CASS4: variants seen among roughly 807,000 people sequenced by gnomAD.
The protein encoded by CASS4 is Cas scaffold protein family member 4, also known as cas scaffolding protein family member 4.
In CASS4, 22 loss-of-function variants were observed where a neutral mutation model predicts 54.2. The observed-to-expected ratio is 0.41, with a 90% CI of 0.29 to 0.58. The LOEUF (loss-of-function observed/expected upper bound fraction) is 0.58. Among genes scored for constraint, CASS4 ranks in the 20% least tolerant of loss-of-function variants. CASS4 has a pLI of 0.36. For missense variants in CASS4, 854 were observed against 986.7 expected (o/e 0.87, Z 1.80); for synonymous variants, 409 against 391.5 (o/e 1.04, Z -0.53).
At chr20:56,440,441 G>T (rs1980401734) in intron 2 of CASS4, among the ~76,000 whole-genome samples, 1 of 152,172 alleles carries the variant, frequency 6.6e-6, no homozygotes. Context: ...TCCTCTGTTG[G>T]TTGACCAGAG....
intron 1 of CASS4, among the ~76,000 whole-genome samples, chr20:56,415,862 TA>T (rs1474020571): frequency 6.6e-6 from 1 of 152,276 alleles, no homozygotes; most frequent in Non-Finnish European, 1.5e-5. Context: ...AGATTTTGTG[TA>T]ATATCCAGAC....
rs781114746 is a variant in CASS4 at position 56,437,627 on chromosome 20, T to C, written c.459+41T>C. ...CCTACTAGACATGGGTTGAGGGGTATGGAAACACCCAGAGGCCTAACTACC... is the reference window on the plus strand; with the variant it reads ...CCTACTAGACATGGGTTGAGGGGTACGGAAACACCCAGAGGCCTAACTACC... On this transcript the variant is annotated intron_variant, in intron 2 of 5. Transcript: ENST00000679887. This position sits in a 1 kb window ranked among gnomAD's most constrained non-coding sequence, Gnocchi z 4.7. 1 of 1,489,960 alleles carries C rather than the reference T, an allele frequency of 6.7e-7. No homozygotes were observed. The highest frequency in any genetic ancestry group is 1.4e-5 in the South Asian group (1 of 73,312). The allele number at this position is 1,489,960 out of a possible 1,614,324, so 92.3% of individuals were successfully genotyped here. A position where few individuals can be genotyped will look rare whatever the true frequency, so the allele number is the denominator to read the frequency against.
chr20:56,458,800 A>G lies in CASS4; in HGVS notation c.*53A>G, dbSNP rs4811697. On this transcript the variant is annotated 3_prime_UTR_variant, in exon 6 of 6. Transcript: ENST00000679887. ...CTCACCTCTCAGCTTCACACCCACA[A>G]CTTGTGCAACTCTGCCCTATGGGAA... The G allele has an allele frequency of 8.5e-5, 126 of 1,482,900 alleles. No individual in the cohort carries two copies. The African/African-American group carries it at 1.5e-3, about 17-fold the overall frequency. 91.9% of individuals were successfully genotyped at this position (1,482,900 alleles called of 1,614,324 possible).
At chr20:56,412,102 C>A, upstream of CASS4, 1 of 323,656 alleles carries the variant, frequency 3.1e-6, no homozygotes, top group Non-Finnish European at 5.9e-6. The surrounding 1 kb of genome is among the most constrained non-coding windows in gnomAD (Gnocchi z 4.2). Flanking sequence ...GAACTTCGCC[C>A]TATAAAGCAG....
intron 1 of CASS4, among the ~76,000 whole-genome samples, chr20:56,417,027 A>G (rs1288844789): frequency 6.6e-6 from 1 of 152,364 alleles, no homozygotes; most frequent in African/African-American, 2.4e-5. Context: ...CAAGGTAAAA[A>G]TGTAGAATTT....
chr20:56,451,961 G>A lies in CASS4; in HGVS notation c.785G>A (p.Ser262Asn), dbSNP rs1244107208. The change falls in exon 5 of 6, where the codon AGC (serine) becomes AAC (asparagine). Residue 262 changes from serine to asparagine, a missense_variant. Physicochemically the swap from Ser to Asn is conservative, Grantham distance 46 (BLOSUM62 1). Coordinates refer to ENST00000679887, the MANE Select transcript of CASS4 (RefSeq NM_020356.4). ...KASVRNTPLTSFAEESRPHAL... is the reference protein window; with the variant it reads ...KASVRNTPLTNFAEESRPHAL... ...AGCGTCAGAAACACGCCTCTCACCA[G>A]CTTTGCGGAAGAATCAAGGCCCCAC... The A allele has an allele frequency of 6.2e-7, 1 of 1,614,180 alleles. No individual in the cohort carries two copies. The highest frequency in any genetic ancestry group is 2.2e-5 in the East Asian group (1 of 44,888).
Position 56,458,747 on chromosome 20 carries a change from A to G in CASS4, c.2361A>G (p.Ter787TrpextTer50), listed in dbSNP as rs1359241049. The G allele has an allele frequency of 6.3e-7, 1 of 1,594,402 alleles. No individual in the cohort carries two copies. The highest frequency in any genetic ancestry group is 1.7e-5 in the Admixed American group (1 of 58,876). The change falls in exon 6 of 6, where the codon TGA becomes TGG. Residue 787 changes from the stop codon to tryptophan, a stop_lost. Coordinates refer to ENST00000679887, the MANE Select transcript of CASS4 (RefSeq NM_020356.4). ...GGCAGTTCAGAGGGACACTGGGATGAGGACTGTCTACCTCCCTTCCTCCTC... is the reference window on the plus strand; with the variant it reads ...GGCAGTTCAGAGGGACACTGGGATGGGGACTGTCTACCTCCCTTCCTCCTC... Reference protein sequence around the residue: ...HTRQFRGTLG* With the variant: ...HTRQFRGTLGW
intron 1 of CASS4, among the ~76,000 whole-genome samples, chr20:56,421,696 TAGAAA>T (rs1335474152): frequency 2.6e-5 from 4 of 152,182 alleles, no homozygotes; most frequent in East Asian, 3.9e-4. Context: ...ACCCTGTCTC[TAGAAA>T]AGAAAAGAGA....
At chr20:56,446,102 G>A in intron 3 of CASS4, 101 bp downstream of exon 3, 3 of 748,934 alleles carry the variant, frequency 4.0e-6, no homozygotes, top group Non-Finnish European at 6.5e-6. Context: ...TACCATGGCG[G>A]CCAGGGGCTC....
chr20:56,432,801 T>A (rs1415081524), intron 1 of CASS4, among the ~76,000 whole-genome samples: 4 of 152,206 alleles, frequency 2.6e-5, no homozygotes, highest in Non-Finnish European at 5.9e-5. Flanking sequence ...ATTCAAGGGA[T>A]AATGATTCCG....
Position 56,430,068 on chromosome 20 carries a change from A to G in CASS4, c.37-7096A>G, listed in dbSNP as rs144766268. 7.9e-5 allele frequency among the ~76,000 whole-genome samples: 12 copies of G among 152,342 alleles called. No individual in the cohort carries two copies. Among genetic ancestry groups the G allele is most frequent in the Non-Finnish European group, 1.6e-4 (11 of 68,038 alleles). On this transcript the variant is annotated intron_variant, in intron 1 of 5. Coordinates refer to ENST00000679887, the MANE Select transcript of CASS4 (RefSeq NM_020356.4). The surrounding 1 kb of genome is among the most constrained non-coding windows in gnomAD (Gnocchi z 4.2). ...ATGCCTCCAGCAGAGCCCCTGGAAT[A>G]CACGTGATGCTCAATACAATCTTGG...
At chr20:56,451,211 G>C (rs1466883226) in intron 4 of CASS4, among the ~76,000 whole-genome samples, 3 of 152,096 alleles carry the variant, frequency 2.0e-5, no homozygotes, top group Admixed American at 6.5e-5. Flanking sequence ...GGAGTATTAA[G>C]TGAGATAATC....
At chr20:56,451,269 T>C (rs1396715544) in intron 4 of CASS4, among the ~76,000 whole-genome samples, 23 of 152,172 alleles carry the variant, frequency 1.5e-4, no homozygotes, top group Non-Finnish European at 1.5e-5. Flanking sequence ...AATTATGTAA[T>C]GGCTTCTTCT....
At chr20:56,421,582 G>A (rs1438886184) in intron 1 of CASS4, among the ~76,000 whole-genome samples, 1 of 152,162 alleles carries the variant, frequency 6.6e-6, no homozygotes, top group Admixed American at 6.5e-5. Flanking sequence ...TGTAGTCCTA[G>A]CTACTTGAAA....
At chr20:56,413,766 T>TCTTAG (rs1979004196) in intron 1 of CASS4, among the ~76,000 whole-genome samples, 1 of 151,174 alleles carries the variant, frequency 6.6e-6, no homozygotes, top group African/African-American at 2.4e-5. Context: ...TATGTAAATA[T>TCTTAG]CTTAGCTACC....
At position 56,458,350 on chromosome 20, in the gene CASS4, CT is replaced by C. The variant is rs1981401144; in HGVS notation, c.1965del (p.Ile657TyrfsTer91). On this transcript the variant is annotated frameshift_variant, in exon 6 of 6. Transcript: ENST00000679887. LOFTEE classifies it low-confidence loss of function (END_TRUNC). ...RANICGQNPG[P>X]LIPQPSSQQT... ...CCTTCCCTTCTTTAGAATCCTGGCC[CT>C]CTTATACCTCAGCCTTCGAGTCAAC... 3 of 1,609,874 alleles carry C rather than the reference CT, an allele frequency of 1.9e-6. No individual in the cohort carries two copies. In the East Asian group the frequency reaches 6.7e-5, roughly 36 times the overall value.
In CASS4 at chr20:56,458,604, C is replaced by T. The variant is rs150016338; in HGVS notation, c.2218C>T (p.Leu740Phe). ...CGAGATCCTCCGTGGCAGCAGTCAC[C>T]TCTGCAGCCTGCTCAAGGACGTAGC... ...RNEILRGSSH[L>F]CSLLKDVALA... is the part of the protein sequence containing the mutation. Residue 740 changes from leucine (L) to phenylalanine (F), a missense_variant, in exon 6 of 6, where the codon CTC becomes TTC. Leu to Phe is a conservative substitution (Grantham distance 22, BLOSUM62 0). Transcript: ENST00000679887. The T allele has an allele frequency of 1.1e-3, 1,775 of 1,614,060 alleles. 2 individuals carry two copies. Among genetic ancestry groups the T allele is most frequent in the Non-Finnish European group, 1.1e-3 (1,310 of 1,179,984 alleles).
In CASS4 at chr20:56,452,791, A is replaced by G; in HGVS notation, c.1615A>G (p.Asn539Asp). ...ILLETKESLD[N>D]RNWPLEVLVT... ...GCTTGAAACAAAGGAAAGCTTGGAT[A>G]ATCGCAATTGGCCTCTGGAAGTTCT... Residue 539 changes from asparagine to aspartate, a missense_variant, in exon 5 of 6, where the codon AAT becomes GAT. Asn to Asp is a conservative substitution (Grantham distance 23). Transcript: ENST00000679887. 1 of 1,614,090 alleles carries G rather than the reference A, an allele frequency of 6.2e-7. No homozygotes were observed. Among genetic ancestry groups the G allele is most frequent in the Non-Finnish European group, 8.5e-7 (1 of 1,180,028 alleles).
intron 3 of CASS4, among the ~76,000 whole-genome samples, chr20:56,447,819 C>T (rs942875525): frequency 6.6e-6 from 1 of 152,000 alleles, no homozygotes; most frequent in Non-Finnish European, 1.5e-5. Flanking sequence ...TGATAGACTC[C>T]AGGAGCACAG....
Sources: allele counts gnomAD v4.1 joint callset (sites outside exome capture counted in the v4.1 genomes callset), GRCh38; gene constraint gnomAD v4.1.1; non-coding constraint Gnocchi (gnomAD v3.1); transcripts MANE v1.5; gene names NCBI Gene and HGNC (gene_info 2026-07-23, HGNC 2026-07-21).